Variants in BAIAP2 observed in about 807,000 individuals in gnomAD.
The protein encoded by BAIAP2 is BAR/IMD domain containing adaptor protein 2.
BAIAP2 carries 18 observed loss-of-function variants against 63.0 expected under a neutral mutation model. The ratio of observed to expected loss-of-function variants is 0.29; its 90% CI spans 0.20 to 0.42. BAIAP2 has a LOEUF of 0.42. BAIAP2 is among the 10% of genes least tolerant of loss of function. BAIAP2 has a pLI of 1.00. For synonymous variants in BAIAP2, 386 were observed against 307.6 expected, an observed-to-expected ratio of 1.25 and a Z score of -2.67; for missense variants, 610 against 734.3, an observed-to-expected ratio of 0.83 and a Z score of 1.96.
At chr17:81,052,044 C>T (rs562804539) in intron 1 of BAIAP2, among the ~76,000 whole-genome samples, 1 of 152,226 alleles carries the variant, frequency 6.6e-6, no homozygotes. Flanking sequence ...CCCTCCTTAG[C>T]TTCATGCAGC....
chr17:81,112,981 A>G (rs1223084785), intron 13 of BAIAP2, among the ~76,000 whole-genome samples: 2 of 152,210 alleles, frequency 1.3e-5, no homozygotes, highest in Non-Finnish European at 2.9e-5. Context: ...GCTTGAGCCC[A>G]GAGGTGGAGG....
At chr17:81,085,590 C>G in intron 4 of BAIAP2, 64 bp from the exon 5 acceptor site, 6 of 1,416,314 alleles carry the variant, frequency 4.2e-6, no homozygotes, top group Non-Finnish European at 5.0e-6. Context: ...TAGCCCTGCC[C>G]TGCCTCCTGT....
chr17:81,086,687 C>T (rs956684044), intron 6 of BAIAP2, 107 bp downstream of exon 6: 115 of 1,284,248 alleles, frequency 9.0e-5, no homozygotes, highest in Non-Finnish European at 1.2e-4. Flanking sequence ...CAGGTGCGAT[C>T]AGACAGAGGC....
chr17:81,096,858 C>T (rs1366521962), intron 6 of BAIAP2, among the ~76,000 whole-genome samples: 2 of 152,216 alleles, frequency 1.3e-5, no homozygotes, highest in African/African-American at 4.8e-5. Flanking sequence ...TTCTTGGGAG[C>T]AGGAGCAGGA....
At chr17:81,055,211 T>C (rs2049275278) in intron 2 of BAIAP2, among the ~76,000 whole-genome samples, 1 of 152,194 alleles carries the variant, frequency 6.6e-6, no homozygotes, top group Non-Finnish European at 1.5e-5. Context: ...TTACCACCTT[T>C]ACTCCGTTGT....
At chr17:81,065,780 C>G (rs1004156152) in intron 3 of BAIAP2, among the ~76,000 whole-genome samples, 2 of 152,228 alleles carry the variant, frequency 1.3e-5, no homozygotes, top group Non-Finnish European at 2.9e-5. Flanking sequence ...AACGTGTACA[C>G]CTGGGCAGGT....
chr17:81,091,448 T>TA lies in BAIAP2; in HGVS notation c.489+4869dup, dbSNP rs1471295771. 5.3e-5 allele frequency among the ~76,000 whole-genome samples: 8 copies of TA among 152,134 alleles called. No homozygotes were observed. The South Asian group carries it at 1.7e-3, about 32-fold the overall frequency. On this transcript the variant is annotated intron_variant, in intron 6 of 13. Coordinates refer to ENST00000428708, the MANE Select transcript of BAIAP2 (RefSeq NM_001144888.2). ...ATGCTGGGGGCAGCCCGGGGGTGTC[T>TA]ACGCAGAGAGTATAGTTCACGGTGC... is the stretch of plus-strand genomic sequence containing the variant.
At position 81,116,058 on chromosome 17, in the gene BAIAP2, C is replaced by T. The variant is rs2146251177; in HGVS notation, c.*219C>T. 1 of 1,462,324 alleles carries T rather than the reference C, an allele frequency of 6.8e-7. No individual in the cohort carries two copies. The highest frequency in any genetic ancestry group is 2.5e-5 in the East Asian group (1 of 40,560). The allele number at this position is 1,462,324 out of a possible 1,614,324, so 90.6% of individuals were successfully genotyped here. A position where few individuals can be genotyped will look rare whatever the true frequency, so the allele number is the denominator to read the frequency against. On this transcript the variant is annotated 3_prime_UTR_variant, in exon 14 of 14. Transcript: ENST00000428708. ...TGAAGGGCGAGACCCAGTGGCTGGG[C>T]TGCCCAGGGCTGAGGGGCCGCCTCT... is the stretch of plus-strand genomic sequence containing the variant.
intron 3 of BAIAP2, among the ~76,000 whole-genome samples, chr17:81,071,191 G>A (rs2052585364): frequency 6.6e-6 from 1 of 152,036 alleles, no homozygotes; most frequent in Non-Finnish European, 1.5e-5. Flanking sequence ...CTCCCAAGGA[G>A]AAGCTGGTGG....
rs367697143 is a variant in BAIAP2 at position 81,038,581 on chromosome 17, G to T, written c.54+3273G>T. On this transcript the variant is annotated intron_variant, in intron 1 of 13. Transcript: ENST00000428708. The stretch of plus-strand genomic sequence containing the variant: ...CTGGTGGGGAAGCCAGCCTGGCGGG[G>T]CCGCAGCCGTGCTTCGAGGAGACGG... 1.2e-3 allele frequency among the ~76,000 whole-genome samples: 183 copies of T among 152,374 alleles called. 1 individual carries two copies. Among genetic ancestry groups the T allele is most frequent in the African/African-American group, 4.3e-3 (177 of 41,588 alleles).
intron 3 of BAIAP2, among the ~76,000 whole-genome samples, chr17:81,072,141 G>A (rs931822781): frequency 6.6e-6 from 1 of 152,212 alleles, no homozygotes; most frequent in Admixed American, 6.5e-5. Flanking sequence ...CCAGCCCTCA[G>A]AAGCTTGGGG....
At chr17:81,041,432 C>A (rs2047057501) in intron 1 of BAIAP2, among the ~76,000 whole-genome samples, 1 of 152,122 alleles carries the variant, frequency 6.6e-6, no homozygotes, top group South Asian at 2.1e-4. Flanking sequence ...GCTGGGGACC[C>A]CTTGTTGGGG....
At chr17:81,077,132 C>T (rs995088521) in intron 3 of BAIAP2, among the ~76,000 whole-genome samples, 8 of 152,264 alleles carry the variant, frequency 5.3e-5, no homozygotes, top group South Asian at 2.1e-4. Flanking sequence ...GACTGGTTCC[C>T]GGAGCTAGGG....
chr17:81,085,960 C>T (rs576148724), intron 5 of BAIAP2, among the ~76,000 whole-genome samples: 69 of 152,358 alleles, frequency 4.5e-4, no homozygotes, highest in African/African-American at 1.5e-3. Flanking sequence ...TTCCATGCCC[C>T]GGCTTTGGCC....
intron 1 of BAIAP2, among the ~76,000 whole-genome samples, chr17:81,042,945 G>A (rs1191970107): frequency 1.3e-5 from 2 of 152,076 alleles, no homozygotes; most frequent in African/African-American, 4.8e-5. Context: ...GTGCAGTGGT[G>A]TGACCTTGGC....
At chr17:81,059,950 A>T (rs2050258510) in intron 3 of BAIAP2, among the ~76,000 whole-genome samples, 1 of 152,164 alleles carries the variant, frequency 6.6e-6, no homozygotes. Flanking sequence ...GGTTGACTGC[A>T]AGAAGGCGCT....
intron 1 of BAIAP2, among the ~76,000 whole-genome samples, chr17:81,048,566 C>A (rs1017429803): frequency 2.0e-5 from 3 of 152,094 alleles, no homozygotes; most frequent in Non-Finnish European, 2.9e-5. Context: ...CAGGCCGGCC[C>A]GTAGCACTGA....
chr17:81,110,811 G>C (rs968021643), intron 13 of BAIAP2: 3 of 1,467,330 alleles, frequency 2.0e-6, no homozygotes, highest in African/African-American at 2.8e-5. Context: ...AGTGCTCCAG[G>C]GTTCTAGGTC....
intron 6 of BAIAP2, chr17:81,098,304 C>T (rs1161137861): frequency 2.6e-6 from 2 of 780,326 alleles, no homozygotes; most frequent in African/African-American, 1.8e-5. Flanking sequence ...TCAGCTTCTT[C>T]GCCACTCTCT....
Sources: allele counts gnomAD v4.1 joint callset (sites outside exome capture counted in the v4.1 genomes callset), GRCh38; gene constraint gnomAD v4.1.1; transcripts MANE v1.5; gene names NCBI Gene and HGNC (gene_info 2026-07-23, HGNC 2026-07-21).